Variants in SLC12A7 observed in about 807,000 individuals in gnomAD.
SLC12A7 encodes K-Cl cotransporter 4.
A neutral mutation model predicts 120.6 loss-of-function variants in SLC12A7; 100 were observed. That is an observed-to-expected ratio of 0.83 (90% CI 0.71 to 0.98). The LOEUF is 0.98. SLC12A7 is among the 50% of genes least tolerant of loss of function. The pLI, the probability that SLC12A7 is intolerant of heterozygous loss-of-function variation, is 0.00. For missense variants in SLC12A7, 1,373 were observed against 1,548.1 expected (o/e 0.89, Z 1.90); for synonymous variants, 760 against 678.0 (o/e 1.12, Z -1.88).
chr5:1,120,178 C>T, the SLC12A7 span, among the ~76,000 whole-genome samples: 1 of 152,260 alleles, frequency 6.6e-6, no homozygotes, highest in African/African-American at 2.4e-5. Context: ...CCCAAACATG[C>T]TCTTCATAAG....
chr5:1,106,008 G>A (rs933675809), intron 1 of SLC12A7, among the ~76,000 whole-genome samples: 10 of 152,322 alleles, frequency 6.6e-5, no homozygotes, highest in South Asian at 2.1e-4. Context: ...CCACACGGCC[G>A]TCACAAAATG....
chr5:1,101,386 T>TG (rs951359164), intron 1 of SLC12A7, among the ~76,000 whole-genome samples: 1 of 152,158 alleles, frequency 6.6e-6, no homozygotes, highest in African/African-American at 2.4e-5. Flanking sequence ...TGCCCGGGAC[T>TG]GACAGCGTCT....
intron 22 of SLC12A7, 139 bp from the exon 23 acceptor site, chr5:1,053,621 C>A (rs1735290633): frequency 1.7e-6 from 2 of 1,174,330 alleles, no homozygotes; most frequent in South Asian, 3.2e-5. Context: ...GATTCTCTGA[C>A]CCTGAAGGAT....
the SLC12A7 span, among the ~76,000 whole-genome samples, chr5:1,135,006 A>T: frequency 6.7e-6 from 1 of 149,984 alleles, no homozygotes; most frequent in Non-Finnish European, 1.5e-5. Flanking sequence ...GGGGGCCTGT[A>T]ATCCCAGCTA....
the SLC12A7 span, among the ~76,000 whole-genome samples, chr5:1,135,970 G>A: frequency 7.2e-5 from 11 of 152,304 alleles, no homozygotes; most frequent in South Asian, 4.1e-4. Context: ...TCGGCCCTGC[G>A]GGGTGCAGGG....
chr5:1,093,398 A>C, intron 3 of SLC12A7, 135 bp downstream of exon 3: 1 of 882,052 alleles, frequency 1.1e-6, no homozygotes, highest in Non-Finnish European at 1.7e-6. Flanking sequence ...CCTCCCAGGA[A>C]GAAAGGGCTG....
intron 1 of SLC12A7, among the ~76,000 whole-genome samples, chr5:1,098,137 GCCCCCACAACCCTCTGCAAGCCCA>G (rs1741510797): frequency 2.7e-5 from 1 of 36,892 alleles, no homozygotes; most frequent in African/African-American, 1.5e-4. Flanking sequence ...TGCAAGCCCA[GCCCCCACAACCCTCTGCAAGCCCA>G]GCCCCCCTCT....
At chr5:1,146,558 T>C in the SLC12A7 span, among the ~76,000 whole-genome samples, 107,717 of 152,146 alleles carry the variant, frequency 0.71, 38,437 homozygotes, top group South Asian at 0.78. The surrounding 1 kb of genome is among the most constrained non-coding windows in gnomAD (Gnocchi z 6.5). Context: ...GAAAGACTGC[T>C]TCAGGCCACG....
chr5:1,053,361 CCT>C lies in SLC12A7; in HGVS notation c.3146_3147del (p.Gln1049ArgfsTer10). On this transcript the variant is annotated frameshift_variant, in exon 23 of 24. Coordinates refer to ENST00000264930, the MANE Select transcript of SLC12A7 (RefSeq NM_006598.3). LOFTEE classifies it high-confidence loss of function. ...CAAGAAAGGATACAGTTCTCGTCTC[CCT>C]GCCGGTTTTTGGGAGGACCTGGCAT... ...LNMPGPPKNR[Q>X]GDENYMEFLE... 3 of 1,613,932 alleles carry C rather than the reference CCT, an allele frequency of 1.9e-6. No individual in the cohort carries two copies. The highest frequency in any genetic ancestry group is 2.5e-6 in the Non-Finnish European group (3 of 1,179,986).
intron 1 of SLC12A7, among the ~76,000 whole-genome samples, chr5:1,101,779 A>ACCCCCCCCCCCCCCCCCCCCCCCCCCC (rs914181852): frequency 7.5e-6 from 1 of 133,360 alleles, no homozygotes; most frequent in African/African-American, 2.8e-5. Context: ...CACTGCCCCG[A>ACCCCCCCCCCCCCCCCCCCCCCCCCCC]CCCCCCTCCA....
chr5:1,153,893 A>G, the SLC12A7 span, among the ~76,000 whole-genome samples: 1 of 152,064 alleles, frequency 6.6e-6, no homozygotes, highest in Non-Finnish European at 1.5e-5. Flanking sequence ...TAGGGAGGAG[A>G]CCACAGCATC....
chr5:1,115,740 G>A (rs986557538), upstream of SLC12A7, among the ~76,000 whole-genome samples: 2 of 151,946 alleles, frequency 1.3e-5, no homozygotes, highest in South Asian at 2.1e-4. Flanking sequence ...TGGCAGGGCC[G>A]GGCACCCACC....
intron 11 of SLC12A7, chr5:1,078,469 C>A: frequency 1.7e-6 from 1 of 600,180 alleles, no homozygotes; most frequent in South Asian, 2.0e-5. Context: ...AGGGCCTGCG[C>A]CCCCAGCCGC....
chr5:1,076,162 C>G lies in SLC12A7; in HGVS notation c.1823G>C (p.Arg608Pro), dbSNP rs776920626. The change falls in exon 14 of 24, where the codon CGT (arginine) becomes CCT (proline). Residue 608 changes from arginine (R) to proline (P), a missense_variant. By Grantham distance (103) the Arg-to-Pro change is moderately radical. Coordinates refer to ENST00000264930, the MANE Select transcript of SLC12A7 (RefSeq NM_006598.3). ...CCAGTGGTAGAACTTGAAGCGTGGA[C>G]GCCAGTTGGGGGTACGTAGCAGGGT... ...VQTLLRTPNW[R>P]PRFKFYHWTL... is the part of the protein sequence containing the mutation. 1 of 1,611,882 alleles carries G rather than the reference C, an allele frequency of 6.2e-7. No homozygotes were observed. Among genetic ancestry groups the G allele is most frequent in the South Asian group, 1.1e-5 (1 of 90,716 alleles).
At chr5:1,088,961 A>G (rs778492509) in intron 4 of SLC12A7, 21 bp downstream of exon 4, 1 of 1,612,296 alleles carries the variant, frequency 6.2e-7, no homozygotes, top group Non-Finnish European at 8.5e-7. Flanking sequence ...GCACAGCCAC[A>G]CCTGGCCGGG....
the SLC12A7 span, among the ~76,000 whole-genome samples, chr5:1,149,279 C>T: frequency 6.6e-6 from 1 of 152,130 alleles, no homozygotes; most frequent in Non-Finnish European, 1.5e-5. Context: ...ATTGTCCATT[C>T]TAAAAATAAG....
chr5:1,092,212 G>A (rs570133738), intron 3 of SLC12A7, among the ~76,000 whole-genome samples: 11 of 152,398 alleles, frequency 7.2e-5, no homozygotes, highest in African/African-American at 1.7e-4. Flanking sequence ...AGGAAGGAAA[G>A]AGACATCTTG....
At chr5:1,081,464 G>A (rs1269824652) in intron 9 of SLC12A7, 113 bp downstream of exon 9, 1 of 1,122,312 alleles carries the variant, frequency 8.9e-7, no homozygotes, top group African/African-American at 1.5e-5. Context: ...TGAGGCTGCA[G>A]TGAGCCGTGA....
chr5:1,069,314 CTT>C (rs2150814452), intron 17 of SLC12A7, among the ~76,000 whole-genome samples: 1 of 152,366 alleles, frequency 6.6e-6, no homozygotes, highest in East Asian at 1.9e-4. Context: ...CCACAGCCCT[CTT>C]GAGCAGGGTT....
Sources: allele counts gnomAD v4.1 joint callset (sites outside exome capture counted in the v4.1 genomes callset), GRCh38; gene constraint gnomAD v4.1.1; non-coding constraint Gnocchi (gnomAD v3.1); transcripts MANE v1.5; gene names NCBI Gene and HGNC (gene_info 2026-07-23, HGNC 2026-07-21).